The following EPHA3 variants were observed in gnomAD, a reference collection of about 807,000 sequenced individuals.
The protein encoded by EPHA3 is ephrin type-A receptor 3.
A neutral mutation model predicts 107.1 loss-of-function variants in EPHA3; 42 were observed. The ratio of observed to expected loss-of-function variants is 0.39; its 90% confidence interval spans 0.31 to 0.51. The LOEUF is 0.51. EPHA3 is among the 20% of genes least tolerant of loss of function. EPHA3 has a pLI of 0.78. For synonymous variants in EPHA3, 461 were observed against 424.8 expected (o/e 1.09, Z -1.05); for missense variants, 1,183 against 1,211.2 (o/e 0.98, Z 0.35).
intron 5 of EPHA3, among the ~76,000 whole-genome samples, chr3:89,358,533 T>C (rs1266893934): frequency 1.3e-5 from 2 of 150,938 alleles, no homozygotes; most frequent in African/African-American, 4.8e-5. Flanking sequence ...GAGCTCTCAA[T>C]TTAGGACATC....
At chr3:89,259,484 G>A (rs1383655410) in intron 3 of EPHA3, among the ~76,000 whole-genome samples, 1 of 152,220 alleles carries the variant, frequency 6.6e-6, no homozygotes, top group African/African-American at 2.4e-5. Flanking sequence ...ATCTTGAAAT[G>A]TCTGCACTGG....
At chr3:89,375,892 G>A (rs1388811646) in intron 5 of EPHA3, among the ~76,000 whole-genome samples, 3 of 151,820 alleles carry the variant, frequency 2.0e-5, no homozygotes, top group Admixed American at 1.3e-4. Flanking sequence ...GTTATCAGAG[G>A]GAAATTTGTA....
At chr3:89,203,557 C>T (rs1002273195) in intron 2 of EPHA3, among the ~76,000 whole-genome samples, 4 of 151,422 alleles carry the variant, frequency 2.6e-5, no homozygotes, top group Middle Eastern at 3.4e-3. Flanking sequence ...GCAGATCACG[C>T]GGTCAGGAGA....
At chr3:89,433,396 C>A (rs1709606130) in intron 13 of EPHA3, among the ~76,000 whole-genome samples, 1 of 151,888 alleles carries the variant, frequency 6.6e-6, no homozygotes, top group Non-Finnish European at 1.5e-5. Flanking sequence ...TAATAAAGAA[C>A]CTAATATGCC....
At chr3:89,412,187 G>A (rs960520080) in intron 9 of EPHA3, among the ~76,000 whole-genome samples, 5 of 151,514 alleles carry the variant, frequency 3.3e-5, no homozygotes, top group Admixed American at 6.6e-5. Flanking sequence ...ATTGAAAATT[G>A]CAAATTGTCT....
At chr3:89,296,336 A>G (rs915225702) in intron 3 of EPHA3, among the ~76,000 whole-genome samples, 5 of 152,234 alleles carry the variant, frequency 3.3e-5, no homozygotes, top group Admixed American at 2.6e-4. Context: ...ATAAGACAGG[A>G]AAGTCAAAAT....
In EPHA3 at chr3:89,303,457, AG is replaced by A. The variant is rs1375037092; in HGVS notation, c.815-37458del. On this transcript the variant is annotated intron_variant, in intron 3 of 16. Transcript: ENST00000336596. Reference sequence around the variant, plus strand: ...ATCTATAAAAAGGCAAAAAAAAAAAAGAAGAGGAAGAAAATAAAGGAGGAAG... The same window carrying A: ...ATCTATAAAAAGGCAAAAAAAAAAAAAAGAGGAAGAAAATAAAGGAGGAAG... Among the ~76,000 whole-genome samples the A allele has an allele frequency of 5.4e-5, 8 of 149,480 alleles. No individual in the cohort carries two copies. The East Asian group carries it at 7.8e-4, about 15-fold the overall frequency.
intron 15 of EPHA3, among the ~76,000 whole-genome samples, chr3:89,457,708 G>C (rs552444940): frequency 5.4e-4 from 82 of 152,296 alleles, no homozygotes; most frequent in South Asian, 1.7e-3. Context: ...AGACACTGAA[G>C]TTACTGAAGT....
chr3:89,257,532 T>G (rs1705313081), intron 3 of EPHA3, among the ~76,000 whole-genome samples: 1 of 151,996 alleles, frequency 6.6e-6, no homozygotes, highest in African/African-American at 2.4e-5. Flanking sequence ...GATTCTTGAG[T>G]ATCTTATTAT....
chr3:89,174,594 T>G (rs1203820779), intron 2 of EPHA3, among the ~76,000 whole-genome samples: 1 of 152,036 alleles, frequency 6.6e-6, no homozygotes, highest in Non-Finnish European at 1.5e-5. Flanking sequence ...TTCATCATTT[T>G]TTTAAGAATC....
At chr3:89,197,080 C>A (rs890323965) in intron 2 of EPHA3, among the ~76,000 whole-genome samples, 4 of 152,056 alleles carry the variant, frequency 2.6e-5, no homozygotes, top group African/African-American at 9.7e-5. Context: ...CTATTCAAAC[C>A]CTTTACTAAA....
At position 89,431,254 on chromosome 3, in the gene EPHA3, C is replaced by T. The variant is rs1370663734; in HGVS notation, c.2241C>T (p.Leu747=). 1 of 1,613,850 alleles carries T rather than the reference C, an allele frequency of 6.2e-7. No individual in the cohort carries two copies. Among genetic ancestry groups the T allele is most frequent in the Non-Finnish European group, 8.5e-7 (1 of 1,179,948 alleles). Residue 747 remains leucine, a synonymous_variant, in exon 13 of 17, where the codon CTC becomes CTT. Coordinates refer to ENST00000336596, the MANE Select transcript of EPHA3 (RefSeq NM_005233.6). ...ACATGGGCTATGTTCACCGAGACCT[C>T]GCTGCTCGGAACATCTTGATCAACA... ...LSDMGYVHRD[L]AARNILINSN...
chr3:89,229,780 C>T (rs539901461), intron 3 of EPHA3, among the ~76,000 whole-genome samples: 1 of 151,388 alleles, frequency 6.6e-6, no homozygotes, highest in South Asian at 2.1e-4. Context: ...AAATATGAAC[C>T]CAAGGGACAG....
chr3:89,167,092 T>C (rs1705088945), intron 2 of EPHA3, among the ~76,000 whole-genome samples: 1 of 152,128 alleles, frequency 6.6e-6, no homozygotes, highest in African/African-American at 2.4e-5. Flanking sequence ...TAAAAGTCAA[T>C]GACCTGGAAA....
chr3:89,453,553 A>G (rs1710037344), intron 15 of EPHA3, among the ~76,000 whole-genome samples: 2 of 152,154 alleles, frequency 1.3e-5, no homozygotes, highest in East Asian at 3.9e-4. Context: ...GAATATAAAC[A>G]TTTGGGCAAT....
At chr3:89,129,551 C>A (rs1219553231) in intron 2 of EPHA3, among the ~76,000 whole-genome samples, 3 of 149,490 alleles carry the variant, frequency 2.0e-5, no homozygotes, top group African/African-American at 7.4e-5. Flanking sequence ...ATAAAGTTAA[C>A]CATAATATAT....
At chr3:89,375,326 G>A (rs1708382205) in intron 5 of EPHA3, among the ~76,000 whole-genome samples, 1 of 151,824 alleles carries the variant, frequency 6.6e-6, no homozygotes, top group African/African-American at 2.4e-5. Context: ...AGTAGGCATT[G>A]AGATGAGAAT....
chr3:89,207,144 T>A (rs1706124570), intron 2 of EPHA3, among the ~76,000 whole-genome samples: 1 of 152,312 alleles, frequency 6.6e-6, no homozygotes, highest in East Asian at 1.9e-4. Flanking sequence ...TTTTTTATAA[T>A]TTAAGAATTT....
chr3:89,320,707 C>T (rs902516891), intron 3 of EPHA3, among the ~76,000 whole-genome samples: 2 of 151,870 alleles, frequency 1.3e-5, no homozygotes, highest in African/African-American at 2.4e-5. Context: ...TATTAGATTG[C>T]CAGCAATGAA....
Sources: allele counts gnomAD v4.1 joint callset (sites outside exome capture counted in the v4.1 genomes callset), GRCh38; gene constraint gnomAD v4.1.1; transcripts MANE v1.5; gene names NCBI Gene and HGNC (gene_info 2026-07-23, HGNC 2026-07-21).